GALNTL6: variants seen among roughly 807,000 people sequenced by gnomAD.
GALNTL6 encodes the protein polypeptide N-acetylgalactosaminyltransferase-like 6.
Under a neutral mutation model 73.7 loss-of-function variants are expected in GALNTL6, and 46 were observed. That is an observed-to-expected ratio of 0.62 (90% CI 0.49 to 0.80). GALNTL6 has a LOEUF of 0.80. Among genes scored for constraint, GALNTL6 ranks in the 30% least tolerant of loss-of-function variants. The probability of loss-of-function intolerance (pLI) is 0.00; values close to 1 mark genes in which losing one functional copy is unlikely to be tolerated. For missense variants in GALNTL6, 604 were observed against 755.0 expected, an observed-to-expected ratio of 0.80 and a Z score of 2.34; for synonymous variants, 259 against 263.7, an observed-to-expected ratio of 0.98 and a Z score of 0.17.
chr4:172,658,487 A>G (rs1220007703), intron 5 of GALNTL6, among the ~76,000 whole-genome samples: 2 of 151,582 alleles, frequency 1.3e-5, no homozygotes, highest in Non-Finnish European at 2.9e-5. Flanking sequence ...AAAAAGAAAG[A>G]AAAAGAAAAA....
chr4:171,913,604 G>GA (rs1737533739), intron 2 of GALNTL6, among the ~76,000 whole-genome samples: 1 of 151,956 alleles, frequency 6.6e-6, no homozygotes, highest in Non-Finnish European at 1.5e-5. Context: ...TTAATAATCA[G>GA]AAAAAAGGGT....
chr4:172,010,914 A>C (rs1248198745), intron 2 of GALNTL6, among the ~76,000 whole-genome samples: 3 of 152,070 alleles, frequency 2.0e-5, no homozygotes, highest in Non-Finnish European at 4.4e-5. Flanking sequence ...ATAAGATTTG[A>C]GATGGTTCTT....
rs200566896 is a variant in GALNTL6, at chr4:172,336,275, G to GTTTTTTT, written c.387-12239_387-12233dup. 3.0e-3 allele frequency among the ~76,000 whole-genome samples: 375 copies of GTTTTTTT among 125,970 alleles called. 9 individuals carry two copies. Among genetic ancestry groups the GTTTTTTT allele is most frequent in the African/African-American group, 0.011 (359 of 33,620 alleles). 82.6% of individuals were successfully genotyped at this position (125,970 alleles called of 152,430 possible). On this transcript the variant is annotated intron_variant, in intron 4 of 12. Transcript: ENST00000506823. ...ACTCTTCTTGGTATAGTTTTGTTTT[G>GTTTTTTT]TTTTTTTTTTTTTTTGACTGAGTCT...
intron 5 of GALNTL6, among the ~76,000 whole-genome samples, chr4:172,678,182 T>C (rs1381339620): frequency 1.3e-5 from 2 of 152,256 alleles, no homozygotes; most frequent in Non-Finnish European, 2.9e-5. Context: ...TGGCACTGGC[T>C]GTGACTGGAC....
chr4:172,633,906 T>C (rs1739526051), intron 5 of GALNTL6, among the ~76,000 whole-genome samples: 1 of 152,242 alleles, frequency 6.6e-6, no homozygotes, highest in African/African-American at 2.4e-5. Context: ...CCTGCTGCCA[T>C]ATAAGATGTA....
intron 9 of GALNTL6, among the ~76,000 whole-genome samples, chr4:172,938,045 A>T (rs1748714381): frequency 6.6e-6 from 1 of 152,236 alleles, no homozygotes; most frequent in Non-Finnish European, 1.5e-5. Flanking sequence ...GTTTCTTAGC[A>T]AAGTGTAACA....
chr4:173,036,695 T>C (rs972464750), intron 12 of GALNTL6, among the ~76,000 whole-genome samples: 1 of 152,192 alleles, frequency 6.6e-6, no homozygotes, highest in African/African-American at 2.4e-5. Context: ...ACACTGTGAA[T>C]AGCCAGAGCA....
intron 2 of GALNTL6, among the ~76,000 whole-genome samples, chr4:171,942,346 G>C (rs889104855): frequency 6.6e-6 from 1 of 151,996 alleles, no homozygotes; most frequent in Non-Finnish European, 1.5e-5. Flanking sequence ...GTTGGTATCA[G>C]AAATCTCGAA....
chr4:172,906,120 G>A (rs1264789739), intron 8 of GALNTL6, among the ~76,000 whole-genome samples: 5 of 152,078 alleles, frequency 3.3e-5, no homozygotes, highest in African/African-American at 1.2e-4. Context: ...GATGAGTTTG[G>A]CACAAAGGAG....
chr4:172,628,337 A>G (rs551195527), intron 5 of GALNTL6, among the ~76,000 whole-genome samples: 1 of 152,206 alleles, frequency 6.6e-6, no homozygotes, highest in Non-Finnish European at 1.5e-5. Context: ...ACAAGCATAC[A>G]TCTGAATGTA....
intron 2 of GALNTL6, among the ~76,000 whole-genome samples, chr4:171,872,176 ATTTT>A (rs1309796576): frequency 6.6e-6 from 1 of 152,142 alleles, no homozygotes; most frequent in African/African-American, 2.4e-5. Flanking sequence ...TTGGAGAAAC[ATTTT>A]TTATTTCTTG....
intron 5 of GALNTL6, among the ~76,000 whole-genome samples, chr4:172,583,757 G>A (rs930953317): frequency 4.0e-5 from 6 of 151,182 alleles, no homozygotes; most frequent in Admixed American, 6.6e-5. Context: ...AAAATTATCC[G>A]GGGGTGGCAC....
At chr4:172,166,680 G>T (rs1050947949) in intron 2 of GALNTL6, among the ~76,000 whole-genome samples, 2 of 152,108 alleles carry the variant, frequency 1.3e-5, no homozygotes, top group Non-Finnish European at 2.9e-5. Context: ...AAGTATTGAT[G>T]TTGATCTTCC....
chr4:172,248,684 G>A (rs1737744187), intron 3 of GALNTL6, among the ~76,000 whole-genome samples: 1 of 152,104 alleles, frequency 6.6e-6, no homozygotes, highest in South Asian at 2.1e-4. Context: ...GATCCGGTGG[G>A]AGGTAATTGA....
chr4:172,206,805 G>GT (rs778156050), intron 2 of GALNTL6, among the ~76,000 whole-genome samples: 26 of 26,164 alleles, frequency 9.9e-4, no homozygotes, highest in Non-Finnish European at 1.2e-3. Context: ...TTGTTTTTCT[G>GT]TTTTTTTTGT....
At chr4:172,594,792 G>A (rs758799566) in intron 5 of GALNTL6, among the ~76,000 whole-genome samples, 6 of 152,062 alleles carry the variant, frequency 3.9e-5, no homozygotes, top group African/African-American at 1.4e-4. Flanking sequence ...TTTAAAAATT[G>A]TATTTATAGT....
intron 8 of GALNTL6, among the ~76,000 whole-genome samples, chr4:172,912,710 G>T (rs1307281130): frequency 6.6e-6 from 1 of 152,186 alleles, no homozygotes; most frequent in East Asian, 1.9e-4. Context: ...TAAACAAAGC[G>T]GTGGGGAAGC....
intron 5 of GALNTL6, among the ~76,000 whole-genome samples, chr4:172,635,597 A>G (rs1028200008): frequency 6.6e-6 from 1 of 152,152 alleles, no homozygotes; most frequent in African/African-American, 2.4e-5. Flanking sequence ...TTTCCTGTTT[A>G]GATTACTCAT....
At chr4:172,976,865 G>A (rs1750833979) in intron 10 of GALNTL6, among the ~76,000 whole-genome samples, 1 of 149,550 alleles carries the variant, frequency 6.7e-6, no homozygotes, top group African/African-American at 2.5e-5. Flanking sequence ...CAACTAAAAT[G>A]CACAGGAGGC....
Sources: allele counts gnomAD v4.1 joint callset (sites outside exome capture counted in the v4.1 genomes callset), GRCh38; gene constraint gnomAD v4.1.1; transcripts MANE v1.5; gene names NCBI Gene and HGNC (gene_info 2026-07-23, HGNC 2026-07-21).